UST: variants seen among roughly 807,000 people sequenced by gnomAD.
The protein encoded by UST is uronyl 2-sulfotransferase.
Under a neutral mutation model 45.6 loss-of-function variants are expected in UST, and 21 were observed. The observed-to-expected ratio is 0.46, with a 90% CI of 0.33 to 0.66. The LOEUF is 0.66. Ranked by LOEUF, UST falls within the 30% of genes least tolerant of loss-of-function variation. The pLI, the probability that UST is intolerant of heterozygous loss-of-function variation, is 0.02. For synonymous variants in UST, 215 were observed against 200.6 expected (o/e 1.07, Z -0.61); for missense variants, 463 against 512.4 (o/e 0.90, Z 0.93).
intron 1 of UST, among the ~76,000 whole-genome samples, chr6:148,842,515 C>T (rs763232682): frequency 5.9e-5 from 9 of 152,136 alleles, no homozygotes; most frequent in South Asian, 2.1e-4. Context: ...TGGAGGCCGC[C>T]GGCTGACTTT....
chr6:148,879,006 C>T (rs893252700), intron 1 of UST, among the ~76,000 whole-genome samples: 3 of 152,056 alleles, frequency 2.0e-5, no homozygotes, highest in Non-Finnish European at 4.4e-5. Flanking sequence ...CAGAACAATA[C>T]ATTGTTTGCA....
At position 149,011,737 on chromosome 6, in the gene UST, G is replaced by A. The variant is rs578059002; in HGVS notation, c.682-7402G>A. Reference sequence around the variant, plus strand: ...TGAGGCAGGAGAATTGCTTGAACCTGGGAGGCAGAGGTTACAGCGAGCCGA... The same window carrying A: ...TGAGGCAGGAGAATTGCTTGAACCTAGGAGGCAGAGGTTACAGCGAGCCGA... On this transcript the variant is annotated intron_variant, in intron 5 of 7. Coordinates refer to ENST00000367463, the MANE Select transcript of UST (RefSeq NM_005715.3). 2.0e-5 allele frequency among the ~76,000 whole-genome samples: 3 copies of A among 152,252 alleles called. No homozygotes were observed. The East Asian group carries it at 5.8e-4, about 29-fold the overall frequency.
intron 5 of UST, among the ~76,000 whole-genome samples, chr6:149,010,435 T>G (rs1194273055): frequency 2.0e-5 from 3 of 152,164 alleles, no homozygotes; most frequent in African/African-American, 7.2e-5. Flanking sequence ...GGGATATTTC[T>G]GGGGGAGAGG....
intron 1 of UST, among the ~76,000 whole-genome samples, chr6:148,845,741 C>A (rs1777973564): frequency 6.6e-6 from 1 of 152,212 alleles, no homozygotes; most frequent in Non-Finnish European, 1.5e-5. Flanking sequence ...CTCCCACTAA[C>A]AATGTGTGAG....
intron 2 of UST, among the ~76,000 whole-genome samples, chr6:148,895,765 C>T (rs1038516471): frequency 2.0e-5 from 3 of 152,336 alleles, no homozygotes; most frequent in Admixed American, 6.5e-5. Flanking sequence ...CAGCCATGAT[C>T]GTGAGGCCTC....
intron 1 of UST, among the ~76,000 whole-genome samples, chr6:148,810,311 T>C (rs1327660868): frequency 6.6e-6 from 1 of 152,210 alleles, no homozygotes; most frequent in Non-Finnish European, 1.5e-5. Context: ...ATAAAGGCCA[T>C]AAATATGGTT....
At chr6:148,852,042 A>G (rs1205549239) in intron 1 of UST, among the ~76,000 whole-genome samples, 1 of 152,210 alleles carries the variant, frequency 6.6e-6, no homozygotes, top group East Asian at 1.9e-4. Flanking sequence ...CTGGGTACTG[A>G]TTTAATTAGC....
chr6:148,953,586 C>T (rs1257544024), intron 3 of UST, among the ~76,000 whole-genome samples: 5 of 151,940 alleles, frequency 3.3e-5, no homozygotes, highest in African/African-American at 7.3e-5. Context: ...TTCGAGACCA[C>T]GGTGAAACCC....
chr6:148,906,424 T>C (rs1484441715), intron 2 of UST, among the ~76,000 whole-genome samples: 3 of 152,198 alleles, frequency 2.0e-5, no homozygotes, highest in Non-Finnish European at 4.4e-5. Context: ...TAGCAAAAAG[T>C]GGGCAAAAGT....
chr6:149,019,874 C>G (rs1344456941), intron 6 of UST, among the ~76,000 whole-genome samples: 1 of 152,176 alleles, frequency 6.6e-6, no homozygotes, highest in Non-Finnish European at 1.5e-5. Context: ...TTAAGAACCC[C>G]CACCCAATCA....
chr6:148,889,535 C>A (rs1388555884), intron 2 of UST, among the ~76,000 whole-genome samples: 1 of 152,176 alleles, frequency 6.6e-6, no homozygotes, highest in African/African-American at 2.4e-5. Flanking sequence ...AGGTGAAGCA[C>A]TCCATAGCCC....
intron 1 of UST, among the ~76,000 whole-genome samples, chr6:148,855,688 C>T (rs888938723): frequency 6.6e-6 from 1 of 152,180 alleles, no homozygotes; most frequent in Non-Finnish European, 1.5e-5. Context: ...AGGTAGAAAT[C>T]TGCATTTTTT....
rs144615730 is a variant in UST at position 148,863,229 on chromosome 6, T to G, written c.248-23757T>G. Among the ~76,000 whole-genome samples the G allele has an allele frequency of 7.0e-3, 1,073 of 152,322 alleles. 8 individuals carry two copies. Among genetic ancestry groups the G allele is most frequent in the African/African-American group, 0.025 (1,038 of 41,576 alleles). ...TCTTTTTTCTCTAAACTTCTCTTCT[T>G]GCTTCTTTTCATTCATTTGATCTTC... On this transcript the variant is annotated intron_variant, in intron 1 of 7. Transcript: ENST00000367463.
intron 2 of UST, among the ~76,000 whole-genome samples, chr6:148,896,690 A>T (rs1037663400): frequency 6.6e-6 from 1 of 152,204 alleles, no homozygotes; most frequent in African/African-American, 2.4e-5. Flanking sequence ...CTAATAAAAT[A>T]TATATCCAGT....
intron 1 of UST, among the ~76,000 whole-genome samples, chr6:148,789,426 A>ATCTCTC (rs751939500): frequency 2.8e-5 from 4 of 143,542 alleles, no homozygotes; most frequent in African/African-American, 1.0e-4. Context: ...TCTTGTGCAG[A>ATCTCTC]TCTCTCTCTC....
chr6:148,933,090 G>C (rs2114912935), intron 2 of UST, among the ~76,000 whole-genome samples: 1 of 152,248 alleles, frequency 6.6e-6, no homozygotes, highest in South Asian at 2.1e-4. Flanking sequence ...TTCAGTCCAG[G>C]GAACCTTCGA....
intron 5 of UST, among the ~76,000 whole-genome samples, chr6:149,017,245 C>T (rs2879843): frequency 0.67 from 101,951 of 151,756 alleles, 34,630 homozygotes; most frequent in African/African-American, 0.75. Flanking sequence ...GGTGTGGTGG[C>T]GGGCACCTGT....
At chr6:149,050,644 C>T (rs1286129932) in intron 7 of UST, among the ~76,000 whole-genome samples, 1 of 152,192 alleles carries the variant, frequency 6.6e-6, no homozygotes, top group East Asian at 1.9e-4. Context: ...GTATATTCCT[C>T]ATTATACTTT....
chr6:148,816,952 G>A (rs1777367570), intron 1 of UST, among the ~76,000 whole-genome samples: 1 of 152,074 alleles, frequency 6.6e-6, no homozygotes, highest in Non-Finnish European at 1.5e-5. Context: ...TGGCCCTTAA[G>A]GTCTTAAATT....
Sources: allele counts gnomAD v4.1 joint callset (sites outside exome capture counted in the v4.1 genomes callset), GRCh38; gene constraint gnomAD v4.1.1; transcripts MANE v1.5; gene names NCBI Gene and HGNC (gene_info 2026-07-23, HGNC 2026-07-21).